LAMA2: variants seen among roughly 807,000 people sequenced by gnomAD.
LAMA2 encodes laminin subunit alpha 2.
In LAMA2, 269 loss-of-function variants were observed where a neutral mutation model predicts 364.8. The observed-to-expected ratio is 0.74, with a 90% confidence interval of 0.67 to 0.82. The LOEUF is 0.82. Ranked by LOEUF, LAMA2 falls within the 40% of genes least tolerant of loss-of-function variation. The pLI, the probability that LAMA2 is intolerant of heterozygous loss-of-function variation, is 0.00. For synonymous variants in LAMA2, 1,379 were observed against 1,370.6 expected (o/e 1.01, Z -0.14); for missense variants, 3,807 against 3,873.2 (o/e 0.98, Z 0.45).
At chr6:129,144,132 T>A (rs1471311577) in intron 5 of LAMA2, 52 bp downstream of exon 5, 2 of 1,423,770 alleles carry the variant, frequency 1.4e-6, no homozygotes. Context: ...CCACTTATCT[T>A]TTTGTCTGTT....
chr6:129,466,299 G>T (rs1171321644), intron 51 of LAMA2, among the ~76,000 whole-genome samples: 1 of 151,874 alleles, frequency 6.6e-6, no homozygotes, highest in African/African-American at 2.4e-5. Context: ...TCAGAAGAGA[G>T]ACACTTGAGT....
intron 1 of LAMA2, among the ~76,000 whole-genome samples, chr6:128,890,600 A>G (rs1776398256): frequency 6.6e-6 from 1 of 151,666 alleles, no homozygotes; most frequent in Non-Finnish European, 1.5e-5. Flanking sequence ...ACATATACAC[A>G]CATGTATTAC....
intron 1 of LAMA2, among the ~76,000 whole-genome samples, chr6:128,894,265 T>C (rs189049862): frequency 6.6e-6 from 1 of 152,324 alleles, no homozygotes; most frequent in Admixed American, 6.5e-5. Context: ...TTACTAGTTA[T>C]GCAGATCAGC....
intron 52 of LAMA2, among the ~76,000 whole-genome samples, chr6:129,473,849 A>AT (rs1008100252): frequency 3.0e-4 from 45 of 151,332 alleles, no homozygotes; most frequent in African/African-American, 4.4e-4. Flanking sequence ...CCATGCCAAC[A>AT]TTTTTTTTTA....
intron 12 of LAMA2, among the ~76,000 whole-genome samples, chr6:129,228,116 G>A (rs997804736): frequency 2.6e-5 from 4 of 152,202 alleles, no homozygotes; most frequent in Non-Finnish European, 2.9e-5. Context: ...CGTAGGCATG[G>A]GACCCTCCGA....
chr6:129,085,210 T>C (rs1774304081), intron 3 of LAMA2, among the ~76,000 whole-genome samples: 1 of 152,208 alleles, frequency 6.6e-6, no homozygotes, highest in South Asian at 2.1e-4. Context: ...GATTTAAGAA[T>C]CAGAATTTCA....
At chr6:129,046,132 T>C (rs1208070149) in intron 1 of LAMA2, among the ~76,000 whole-genome samples, 1 of 152,258 alleles carries the variant, frequency 6.6e-6, no homozygotes, top group Admixed American at 6.5e-5. Context: ...AGCATGTCTC[T>C]TTGTTCTTAC....
chr6:128,891,245 T>C (rs1582611183), intron 1 of LAMA2, among the ~76,000 whole-genome samples: 1 of 152,184 alleles, frequency 6.6e-6, no homozygotes, highest in East Asian at 1.9e-4. Context: ...AATGAGACAA[T>C]TATAATATTC....
intron 18 of LAMA2, 32 bp from the exon 19 acceptor site, chr6:129,287,815 C>A: frequency 1.3e-6 from 2 of 1,573,160 alleles, no homozygotes; most frequent in Non-Finnish European, 1.7e-6. Flanking sequence ...GAGGTCCCCC[C>A]AAAGGCTCAC....
Position 129,370,186 on chromosome 6 carries a change from A to T in LAMA2, c.4959+196A>T, listed in dbSNP as rs562726908. On this transcript the variant is annotated intron_variant, in intron 34 of 64. Coordinates refer to ENST00000421865, the MANE Select transcript of LAMA2 (RefSeq NM_000426.4). ...AGTAGCACGCAGAAAAATTGGGGAT[A>T]CCTGGAAATTGTCAATGGCTAAAAA... 2.6e-5 allele frequency among the ~76,000 whole-genome samples: 4 copies of T among 152,368 alleles called. No individual in the cohort carries two copies. In the East Asian group the frequency reaches 7.7e-4, roughly 29 times the overall value.
At chr6:129,204,858 C>A (rs1782519132) in intron 12 of LAMA2, among the ~76,000 whole-genome samples, 2 of 152,096 alleles carry the variant, frequency 1.3e-5, no homozygotes, top group African/African-American at 4.8e-5. Flanking sequence ...GAAAGGCCAG[C>A]AGTCCAACAG....
At chr6:128,923,212 G>A (rs1189611982) in intron 1 of LAMA2, among the ~76,000 whole-genome samples, 2 of 150,160 alleles carry the variant, frequency 1.3e-5, no homozygotes, top group Non-Finnish European at 3.0e-5. Context: ...GGTTCCATAT[G>A]AACTTTAAAG....
At chr6:129,055,435 C>T (rs1229880335) in intron 2 of LAMA2, among the ~76,000 whole-genome samples, 1 of 152,072 alleles carries the variant, frequency 6.6e-6, no homozygotes, top group Admixed American at 6.5e-5. Flanking sequence ...TTCACATGAT[C>T]TACCTGCCTT....
At chr6:129,132,605 G>A (rs1487679165) in intron 4 of LAMA2, among the ~76,000 whole-genome samples, 1 of 152,160 alleles carries the variant, frequency 6.6e-6, no homozygotes, top group Admixed American at 6.5e-5. Context: ...CCTCTTTATT[G>A]TGGATGGAAA....
chr6:129,320,831 T>C (rs1352044682), intron 28 of LAMA2, among the ~76,000 whole-genome samples, 176 bp downstream of exon 28: 4 of 152,244 alleles, frequency 2.6e-5, no homozygotes, highest in Admixed American at 2.6e-4. Context: ...GTACAAATCA[T>C]ACCTGAAGGG....
intron 29 of LAMA2, among the ~76,000 whole-genome samples, chr6:129,340,830 C>CAAAAAAAAAAAAAAAAAA (rs34264921): frequency 1.7e-5 from 1 of 59,564 alleles, no homozygotes; most frequent in Non-Finnish European, 3.6e-5. Context: ...AGCTCTGTCT[C>CAAAAAAAAAAAAAAAAAA]AAAAAAAAAA....
chr6:129,219,728 C>G (rs1434011327), intron 12 of LAMA2, among the ~76,000 whole-genome samples: 1 of 119,850 alleles, frequency 8.3e-6, no homozygotes, highest in Non-Finnish European at 1.7e-5. Context: ...ATCACAAGGA[C>G]AAAAAAACAA....
At chr6:129,201,094 G>A (rs1319347082) in intron 12 of LAMA2, among the ~76,000 whole-genome samples, 1 of 152,088 alleles carries the variant, frequency 6.6e-6, no homozygotes, top group Non-Finnish European at 1.5e-5. Context: ...TGGAACAACA[G>A]TTTTTAGACA....
intron 12 of LAMA2, among the ~76,000 whole-genome samples, chr6:129,200,049 A>G (rs1037724871): frequency 6.6e-6 from 1 of 150,788 alleles, no homozygotes; most frequent in East Asian, 2.0e-4. Flanking sequence ...ACTGCACTCC[A>G]GCCTGGGGCA....
Sources: gnomAD v4.1 joint callset for allele counts (sites outside exome capture counted in the v4.1 genomes callset) on GRCh38, gnomAD v4.1.1 for gene constraint, MANE v1.5 for transcripts, NCBI Gene and HGNC (gene_info 2026-07-23, HGNC 2026-07-21) for gene names.